The following CNTN5 variants were observed in gnomAD, a reference collection of about 807,000 sequenced individuals.
CNTN5 encodes contactin 5, also known as contactin-5.
Under a neutral mutation model 129.1 loss-of-function variants are expected in CNTN5, and 77 were observed. The ratio of observed to expected loss-of-function variants is 0.60; its 90% confidence interval spans 0.50 to 0.72. CNTN5 has a LOEUF of 0.72. CNTN5 is among the 30% of genes least tolerant of loss of function. The pLI is 0.00. For synonymous variants in CNTN5, 509 were observed against 465.6 expected, an observed-to-expected ratio of 1.09 and a Z score of -1.20; for missense variants, 1,478 against 1,328.8, an observed-to-expected ratio of 1.11 and a Z score of -1.75.
intron 2 of CNTN5, among the ~76,000 whole-genome samples, chr11:99,491,339 G>A (rs937806564): frequency 2.0e-5 from 3 of 152,078 alleles, no homozygotes; most frequent in African/African-American, 7.2e-5. Context: ...AGTTTTCATA[G>A]TAATAAGATT....
rs578173164 is a variant in CNTN5, at chr11:99,594,237, G to T, written c.55+37968G>T. ...GCCTTGTCTACTCTTCTAGCATTGT[G>T]GAAAGTAGTGTTTATTTGCTACAAA... On this transcript the variant is annotated intron_variant, in intron 3 of 24. Coordinates refer to ENST00000524871, the MANE Select transcript of CNTN5 (RefSeq NM_014361.4). 2.6e-5 allele frequency among the ~76,000 whole-genome samples: 4 copies of T among 152,320 alleles called. No homozygotes were observed. In the South Asian group the frequency reaches 8.3e-4, roughly 32 times the overall value.
intron 9 of CNTN5, among the ~76,000 whole-genome samples, chr11:100,030,532 T>G (rs923737974): frequency 6.6e-6 from 1 of 152,182 alleles, no homozygotes; most frequent in African/African-American, 2.4e-5. Context: ...CACAATCCAT[T>G]GTGAACCAAT....
At chr11:99,313,822 T>C (rs1238742599) in intron 1 of CNTN5, among the ~76,000 whole-genome samples, 1 of 152,058 alleles carries the variant, frequency 6.6e-6, no homozygotes, top group Non-Finnish European at 1.5e-5. Context: ...ATAGTATATA[T>C]TGTGCTTGCA....
intron 2 of CNTN5, among the ~76,000 whole-genome samples, chr11:99,495,451 C>T (rs963621245): frequency 5.3e-5 from 8 of 152,112 alleles, no homozygotes; most frequent in East Asian, 3.8e-4. Flanking sequence ...TGAGATATGG[C>T]GCTTTCTGGA....
intron 18 of CNTN5, among the ~76,000 whole-genome samples, chr11:100,282,377 A>T (rs1950659416): frequency 6.6e-6 from 1 of 152,238 alleles, no homozygotes; most frequent in African/African-American, 2.4e-5. Flanking sequence ...AAGGTCTGAA[A>T]GAATTCTCTG....
At chr11:99,854,717 C>T (rs1054407825) in intron 6 of CNTN5, among the ~76,000 whole-genome samples, 1 of 152,100 alleles carries the variant, frequency 6.6e-6, no homozygotes, top group Non-Finnish European at 1.5e-5. Flanking sequence ...AAATACCCAA[C>T]ATTTAAAAAT....
chr11:100,207,221 G>T (rs1948935687), intron 15 of CNTN5, among the ~76,000 whole-genome samples: 1 of 152,024 alleles, frequency 6.6e-6, no homozygotes, highest in Non-Finnish European at 1.5e-5. Flanking sequence ...AACTCGAGGA[G>T]AAATTTGACT....
intron 21 of CNTN5, among the ~76,000 whole-genome samples, chr11:100,330,537 T>C (rs892276747): frequency 6.7e-6 from 1 of 149,178 alleles, no homozygotes; most frequent in Non-Finnish European, 1.5e-5. Context: ...TCATGTTATC[T>C]AAAGTCAAGA....
chr11:100,348,196 CT>C (rs2139032249), intron 23 of CNTN5, among the ~76,000 whole-genome samples: 1 of 4,974 alleles, frequency 2.0e-4, no homozygotes, highest in African/African-American at 2.6e-3. Context: ...CTGTCAATAA[CT>C]ATTTTTTTCT....
At chr11:99,695,107 C>T (rs963517029) in intron 3 of CNTN5, among the ~76,000 whole-genome samples, 1 of 151,914 alleles carries the variant, frequency 6.6e-6, no homozygotes, top group African/African-American at 2.4e-5. Context: ...CCCACCAATT[C>T]ATGATCTGTA....
intron 13 of CNTN5, among the ~76,000 whole-genome samples, chr11:100,188,701 C>CTGCT (rs1352504327): frequency 6.6e-6 from 1 of 152,134 alleles, no homozygotes; most frequent in African/African-American, 2.4e-5. Flanking sequence ...AGAACTTAAA[C>CTGCT]TGCTATTCAA....
At chr11:99,733,975 GGAGGCCCCAGA>G (rs1320226455) in intron 3 of CNTN5, among the ~76,000 whole-genome samples, 3 of 152,166 alleles carry the variant, frequency 2.0e-5, no homozygotes, top group Admixed American at 6.6e-5. Context: ...GCTGAAGGAA[GGAGGCCCCAGA>G]GTTCTCACCA....
chr11:99,170,230 C>T (rs993227363), intron 1 of CNTN5, among the ~76,000 whole-genome samples: 2 of 152,062 alleles, frequency 1.3e-5, no homozygotes, highest in African/African-American at 4.8e-5. Flanking sequence ...TCACTTCATT[C>T]TGTCAGCAAT....
At chr11:99,375,699 C>G (rs1015298237) in intron 2 of CNTN5, among the ~76,000 whole-genome samples, 1 of 152,022 alleles carries the variant, frequency 6.6e-6, no homozygotes, top group Admixed American at 6.6e-5. Context: ...TCTGAGAAAC[C>G]CTGTTTTCTC....
intron 16 of CNTN5, among the ~76,000 whole-genome samples, chr11:100,240,215 C>T (rs1195071060): frequency 2.7e-5 from 4 of 150,176 alleles, no homozygotes; most frequent in Non-Finnish European, 5.9e-5. Context: ...TACAAATTAT[C>T]AACACCCCGC....
intron 1 of CNTN5, among the ~76,000 whole-genome samples, chr11:99,103,975 C>T (rs2135360212): frequency 6.6e-6 from 1 of 152,258 alleles, no homozygotes; most frequent in East Asian, 1.9e-4. Context: ...GCCCCTAGAG[C>T]TATGAGAAAA....
chr11:99,307,518 A>T (rs1289610323), intron 1 of CNTN5, among the ~76,000 whole-genome samples: 4 of 152,146 alleles, frequency 2.6e-5, no homozygotes, highest in Admixed American at 6.6e-5. Flanking sequence ...ATTATATTAT[A>T]CTTCTGTCGT....
At chr11:99,727,460 C>T (rs978023891) in intron 3 of CNTN5, among the ~76,000 whole-genome samples, 2 of 151,750 alleles carry the variant, frequency 1.3e-5, no homozygotes, top group Non-Finnish European at 2.9e-5. Flanking sequence ...ATGTCACAAA[C>T]CCAAACCTTA....
intron 3 of CNTN5, among the ~76,000 whole-genome samples, chr11:99,688,514 A>C (rs916591911): frequency 6.6e-6 from 1 of 152,346 alleles, no homozygotes; most frequent in Non-Finnish European, 1.5e-5. Context: ...TTTAATGCTA[A>C]GTAAGGAGTC....
Sources: gnomAD v4.1 joint callset for allele counts (sites outside exome capture counted in the v4.1 genomes callset) on GRCh38, gnomAD v4.1.1 for gene constraint, MANE v1.5 for transcripts, NCBI Gene and HGNC (gene_info 2026-07-23, HGNC 2026-07-21) for gene names.